Variants in DCC observed in about 807,000 individuals in gnomAD.
DCC encodes the protein netrin receptor DCC.
Under a neutral mutation model 172.5 loss-of-function variants are expected in DCC, and 58 were observed. The ratio of observed to expected loss-of-function variants is 0.34; its 90% CI spans 0.27 to 0.42. The LOEUF is 0.42. Ranked by LOEUF, DCC falls within the 10% of genes least tolerant of loss-of-function variation. The pLI, the probability that DCC is intolerant of heterozygous loss-of-function variation, is 1.00. For missense variants in DCC, 1,740 were observed against 1,791.0 expected, an observed-to-expected ratio of 0.97 and a Z score of 0.51; for synonymous variants, 709 against 644.5, an observed-to-expected ratio of 1.10 and a Z score of -1.52.
intron 1 of DCC, among the ~76,000 whole-genome samples, chr18:52,536,411 A>C (rs895504115): frequency 6.6e-6 from 1 of 152,178 alleles, no homozygotes; most frequent in Non-Finnish European, 1.5e-5. Context: ...CTTCCAAAAA[A>C]GGACTTTTAG....
At chr18:52,427,070 A>G (rs920052795) in intron 1 of DCC, among the ~76,000 whole-genome samples, 1 of 152,136 alleles carries the variant, frequency 6.6e-6, no homozygotes, top group Non-Finnish European at 1.5e-5. Context: ...TTAATGGTGA[A>G]GTAAGTACTG....
intron 5 of DCC, among the ~76,000 whole-genome samples, chr18:53,030,079 TTTCTTCCTC>T (rs2042007945): frequency 6.6e-6 from 1 of 152,174 alleles, no homozygotes; most frequent in Non-Finnish European, 1.5e-5. Flanking sequence ...AGAACTTCCT[TTTCTTCCTC>T]AACCCTCCTG....
At chr18:53,118,972 G>A (rs2144281172) in intron 7 of DCC, among the ~76,000 whole-genome samples, 1 of 151,808 alleles carries the variant, frequency 6.6e-6, no homozygotes, top group South Asian at 2.1e-4. Context: ...CATTAAATCT[G>A]CCACAAATTA....
intron 2 of DCC, among the ~76,000 whole-genome samples, chr18:52,784,237 C>T (rs904801690): frequency 4.6e-5 from 7 of 151,522 alleles, no homozygotes; most frequent in African/African-American, 1.7e-4. Flanking sequence ...TTCTGTGTTG[C>T]TGCAAATAAC....
Position 53,525,220 on chromosome 18 carries a change from C to CTGTG in DCC, c.4112-1396_4112-1393dup, listed in dbSNP as rs2046441526. Reference sequence around the variant, plus strand: ...CAGATCTAAATGCAGACTGGACTTACTGTGAATCCCAAATTTTCCCTCACC... The same window carrying CTGTG: ...CAGATCTAAATGCAGACTGGACTTACTGTGTGTGAATCCCAAATTTTCCCTCACC... On this transcript the variant is annotated intron_variant, in intron 27 of 28. Transcript: ENST00000442544. 2.0e-5 allele frequency among the ~76,000 whole-genome samples: 3 copies of CTGTG among 152,204 alleles called. No homozygotes were observed. In the South Asian group the frequency reaches 6.2e-4, roughly 32 times the overall value.
chr18:53,017,886 A>G (rs1170225210), intron 5 of DCC, among the ~76,000 whole-genome samples: 4 of 152,106 alleles, frequency 2.6e-5, no homozygotes. Flanking sequence ...CCCCATGTCA[A>G]TTTCTGCATG....
At chr18:53,288,377 T>C (rs1182571795) in intron 12 of DCC, among the ~76,000 whole-genome samples, 1 of 152,086 alleles carries the variant, frequency 6.6e-6, no homozygotes, top group Admixed American at 6.6e-5. Context: ...CCCAGGAAAA[T>C]GGCAAGTTAG....
chr18:53,267,379 G>A (rs1367894120), intron 12 of DCC, among the ~76,000 whole-genome samples: 2 of 152,036 alleles, frequency 1.3e-5, no homozygotes, highest in African/African-American at 4.8e-5. Flanking sequence ...CAGAGACGAG[G>A]TTTCATCATG....
At chr18:52,710,840 G>A (rs1038552583) in intron 1 of DCC, among the ~76,000 whole-genome samples, 7 of 152,194 alleles carry the variant, frequency 4.6e-5, no homozygotes, top group Non-Finnish European at 1.0e-4. Flanking sequence ...GCTGCTTTAA[G>A]TGATCTTAGA....
At chr18:52,855,763 C>CTTTTTT (rs71175526) in intron 2 of DCC, among the ~76,000 whole-genome samples, 27 of 121,220 alleles carry the variant, frequency 2.2e-4, no homozygotes, top group Non-Finnish European at 3.0e-4. Flanking sequence ...CGTATAAATT[C>CTTTTTT]TTTTTTTTTT....
At chr18:52,774,387 G>C (rs550981663) in intron 2 of DCC, among the ~76,000 whole-genome samples, 6 of 152,306 alleles carry the variant, frequency 3.9e-5, no homozygotes, top group African/African-American at 1.4e-4. Flanking sequence ...GTAGGAGTGA[G>C]GGAGAAAGGG....
chr18:53,070,914 A>G (rs1483223737), intron 7 of DCC, among the ~76,000 whole-genome samples: 2 of 152,192 alleles, frequency 1.3e-5, no homozygotes, highest in Admixed American at 6.5e-5. Flanking sequence ...CACAGATGGT[A>G]GAGAGGCCAG....
chr18:52,767,527 C>A (rs971424112), intron 2 of DCC, among the ~76,000 whole-genome samples: 2 of 152,198 alleles, frequency 1.3e-5, no homozygotes, highest in African/African-American at 4.8e-5. Context: ...TATGTTTTCA[C>A]ACAAATCTTC....
chr18:53,285,733 C>T (rs2144737599), intron 12 of DCC, among the ~76,000 whole-genome samples: 1 of 152,318 alleles, frequency 6.6e-6, no homozygotes, highest in South Asian at 2.1e-4. Flanking sequence ...CCTGGAGAAG[C>T]CACAAACGCT....
intron 7 of DCC, among the ~76,000 whole-genome samples, chr18:53,146,049 T>A (rs142135207): frequency 6.6e-6 from 1 of 152,038 alleles, no homozygotes; most frequent in East Asian, 1.9e-4. Flanking sequence ...CTGGCCAACA[T>A]GATGAAACCT....
intron 5 of DCC, among the ~76,000 whole-genome samples, chr18:52,977,201 T>G (rs1156881515): frequency 3.3e-5 from 5 of 152,128 alleles, no homozygotes; most frequent in African/African-American, 1.2e-4. Flanking sequence ...GGAAAAATAT[T>G]GAGAGGAAAA....
chr18:53,437,686 A>G (rs146218765), intron 22 of DCC, among the ~76,000 whole-genome samples: 111 of 152,108 alleles, frequency 7.3e-4, no homozygotes, highest in African/African-American at 2.4e-3. Context: ...AATGGGCATA[A>G]GTAACAATAA....
chr18:53,169,155 C>T (rs1222586478), intron 8 of DCC, among the ~76,000 whole-genome samples: 1 of 152,214 alleles, frequency 6.6e-6, no homozygotes, highest in Non-Finnish European at 1.5e-5. Flanking sequence ...CTTCATGCTT[C>T]AAAAGATGTC....
Position 53,291,288 on chromosome 18 carries a change from C to T in DCC, c.1912-14290C>T, listed in dbSNP as rs1193441713. Among the ~76,000 whole-genome samples, 7 of 151,938 alleles carry T rather than the reference C, an allele frequency of 4.6e-5. No individual in the cohort carries two copies. In the East Asian group the frequency reaches 9.6e-4, roughly 21 times the overall value. ...ATTTCATTTTGTAAGAGCCCAAATT[C>T]GTTTGTCACAATTATTTTATCATGA... On this transcript the variant is annotated intron_variant, in intron 12 of 28. Coordinates refer to ENST00000442544, the MANE Select transcript of DCC (RefSeq NM_005215.4).
Sources: allele counts gnomAD v4.1 joint callset (sites outside exome capture counted in the v4.1 genomes callset), GRCh38; gene constraint gnomAD v4.1.1; transcripts MANE v1.5; gene names NCBI Gene and HGNC (gene_info 2026-07-23, HGNC 2026-07-21).